DOCK4: variants seen among roughly 807,000 people sequenced by gnomAD.
DOCK4 encodes the protein dedicator of cytokinesis protein 4.
In DOCK4, 97 loss-of-function variants were observed where a neutral mutation model predicts 268.1. The ratio of observed to expected loss-of-function variants is 0.36; its 90% CI spans 0.31 to 0.43. DOCK4 has a LOEUF of 0.43. Ranked by LOEUF, DOCK4 falls within the 20% of genes least tolerant of loss-of-function variation. DOCK4 has a pLI of 1.00. For synonymous variants in DOCK4, 954 were observed against 887.2 expected (o/e 1.08, Z -1.34); for missense variants, 2,145 against 2,455.7 (o/e 0.87, Z 2.67).
At chr7:111,947,756 C>T (rs1411185143) in intron 8 of DOCK4, among the ~76,000 whole-genome samples, 2 of 152,126 alleles carry the variant, frequency 1.3e-5, no homozygotes, top group African/African-American at 2.4e-5. Context: ...GGAGGTCTCA[C>T]TCTTTCACCC....
At chr7:112,082,298 G>A (rs1317344382) in intron 1 of DOCK4, among the ~76,000 whole-genome samples, 1 of 152,132 alleles carries the variant, frequency 6.6e-6, no homozygotes, top group Admixed American at 6.6e-5. Flanking sequence ...TGTAATGTCA[G>A]TAGAGGAAAC....
chr7:112,081,357 C>T (rs1808564975), intron 1 of DOCK4, among the ~76,000 whole-genome samples: 1 of 152,098 alleles, frequency 6.6e-6, no homozygotes, highest in African/African-American at 2.4e-5. Flanking sequence ...CCTAACACCA[C>T]CAACTTTTTA....
At chr7:112,182,787 C>T (rs376517869) in intron 1 of DOCK4, among the ~76,000 whole-genome samples, 2 of 152,326 alleles carry the variant, frequency 1.3e-5, no homozygotes, top group South Asian at 2.1e-4. Context: ...CAGGCATGTG[C>T]CTCACTATCA....
chr7:112,024,222 A>C (rs997974750), intron 1 of DOCK4, among the ~76,000 whole-genome samples: 4 of 152,256 alleles, frequency 2.6e-5, no homozygotes, highest in African/African-American at 4.8e-5. Flanking sequence ...TTCAAGCATC[A>C]CACGGGGCCT....
intron 51 of DOCK4, among the ~76,000 whole-genome samples, chr7:111,733,473 T>C (rs941048109): frequency 6.6e-6 from 1 of 152,146 alleles, no homozygotes; most frequent in Non-Finnish European, 1.5e-5. Flanking sequence ...AGTTCTCCTA[T>C]CCTGTTGATC....
At chr7:112,052,551 T>A (rs570505148) in intron 1 of DOCK4, among the ~76,000 whole-genome samples, 1 of 152,258 alleles carries the variant, frequency 6.6e-6, no homozygotes, top group Non-Finnish European at 1.5e-5. Context: ...CAGTGAAGGA[T>A]CCCCAGGCCC....
At chr7:112,089,447 A>G (rs1284894522) in intron 1 of DOCK4, among the ~76,000 whole-genome samples, 1 of 152,160 alleles carries the variant, frequency 6.6e-6, no homozygotes, top group Non-Finnish European at 1.5e-5. Flanking sequence ...TAAATATCTT[A>G]GTTACAGTTT....
chr7:112,039,383 G>C (rs547424441), intron 1 of DOCK4, among the ~76,000 whole-genome samples: 3 of 136,538 alleles, frequency 2.2e-5, no homozygotes, highest in African/African-American at 8.1e-5. Context: ...TGGGGGGGGG[G>C]GCTTAAAGAT....
At chr7:112,163,679 T>G (rs1296305135) in intron 1 of DOCK4, among the ~76,000 whole-genome samples, 1 of 152,238 alleles carries the variant, frequency 6.6e-6, no homozygotes, top group Non-Finnish European at 1.5e-5. Context: ...ATAGTCATAA[T>G]AAATCAATGA....
chr7:111,994,357 A>G, intron 4 of DOCK4, 126 bp from the exon 5 acceptor site: 1 of 550,388 alleles, frequency 1.8e-6, no homozygotes. Context: ...GACAGTAACC[A>G]GGATCTGGTT....
At chr7:112,151,279 C>T (rs1347326981) in intron 1 of DOCK4, among the ~76,000 whole-genome samples, 1 of 152,094 alleles carries the variant, frequency 6.6e-6, no homozygotes, top group African/African-American at 2.4e-5. Context: ...CTTCAGTTTC[C>T]TCATGTGTAG....
At chr7:112,135,920 C>A (rs1446682424) in intron 1 of DOCK4, among the ~76,000 whole-genome samples, 1 of 152,116 alleles carries the variant, frequency 6.6e-6, no homozygotes, top group Admixed American at 6.5e-5. Flanking sequence ...CACATTCTTC[C>A]TAATTCCAGG....
chr7:111,857,579 AT>A (rs1016946436), intron 23 of DOCK4, among the ~76,000 whole-genome samples: 1 of 152,164 alleles, frequency 6.6e-6, no homozygotes, highest in Non-Finnish European at 1.5e-5. Context: ...ATATATAGCT[AT>A]TTTTTAGCAA....
At chr7:112,084,493 T>C (rs7791324) in intron 1 of DOCK4, among the ~76,000 whole-genome samples, 55,953 of 151,998 alleles carry the variant, frequency 0.37, 10,555 homozygotes, top group Non-Finnish European at 0.41. Flanking sequence ...GAATGAGCAT[T>C]TTCTTTAAAT....
chr7:112,100,158 G>A (rs1810545118), intron 1 of DOCK4, among the ~76,000 whole-genome samples: 1 of 152,178 alleles, frequency 6.6e-6, no homozygotes, highest in Non-Finnish European at 1.5e-5. Context: ...TATTACGCAT[G>A]AAGCATTTCA....
intron 12 of DOCK4, among the ~76,000 whole-genome samples, chr7:111,927,760 G>A (rs1253734221): frequency 6.6e-6 from 1 of 152,104 alleles, no homozygotes; most frequent in Non-Finnish European, 1.5e-5. Flanking sequence ...ATAGTGATGG[G>A]GTTCAGGACA....
At chr7:111,744,839 TG>T (rs146717738) in intron 44 of DOCK4, among the ~76,000 whole-genome samples, 1,739 of 152,336 alleles carry the variant, frequency 0.011, 17 homozygotes, top group Middle Eastern at 0.041. Context: ...CTCTCTTCTG[TG>T]GCCACCTCTC....
rs1225880782 is a variant in DOCK4 at position 112,167,892 on chromosome 7, CCT to C, written c.37+38208_37+38209del. Among the ~76,000 whole-genome samples the C allele has an allele frequency of 3.3e-5, 5 of 152,132 alleles. No individual in the cohort carries two copies. In the South Asian group the frequency reaches 6.2e-4, roughly 19 times the overall value. Reference sequence around the variant, plus strand: ...ATGCTAGCAAACTTCCCACCAGCTCCCTCTTTTTCTTCATACCTCTAAATAAC... The same window carrying C: ...ATGCTAGCAAACTTCCCACCAGCTCCCTTTTTCTTCATACCTCTAAATAAC... On this transcript the variant is annotated intron_variant, in intron 1 of 52. Coordinates refer to ENST00000428084, the MANE Select transcript of DOCK4 (RefSeq NM_001363540.2).
At chr7:111,990,691 C>G (rs1272043168) in intron 5 of DOCK4, among the ~76,000 whole-genome samples, 1 of 152,162 alleles carries the variant, frequency 6.6e-6, no homozygotes, top group Non-Finnish European at 1.5e-5. Context: ...CTCTATTGAG[C>G]CCATTCTTCT....
Sources: allele counts gnomAD v4.1 joint callset (sites outside exome capture counted in the v4.1 genomes callset), GRCh38; gene constraint gnomAD v4.1.1; transcripts MANE v1.5; gene names NCBI Gene and HGNC (gene_info 2026-07-23, HGNC 2026-07-21).